The following GLI3 variants were observed in gnomAD, a reference collection of about 807,000 sequenced individuals.
GLI3 encodes the protein GLI family zinc finger 3.
Under a neutral mutation model 100.8 loss-of-function variants are expected in GLI3, and 20 were observed. The ratio of observed to expected loss-of-function variants is 0.20; its 90% CI spans 0.14 to 0.29. The LOEUF is 0.29. GLI3 is among the 10% of genes least tolerant of loss of function. The pLI, the probability that GLI3 is intolerant of heterozygous loss-of-function variation, is 1.00. For missense variants in GLI3, 2,040 were observed against 2,128.5 expected (o/e 0.96, Z 0.82); for synonymous variants, 938 against 860.5 (o/e 1.09, Z -1.58).
At chr7:42,241,459 AGG>A (rs1788924042), upstream of GLI3, among the ~76,000 whole-genome samples, 2 of 152,182 alleles carry the variant, frequency 1.3e-5, no homozygotes, top group African/African-American at 2.4e-5. Context: ...TAGGGAACAA[AGG>A]TAGATCCCTG....
At chr7:42,240,837 A>G (rs113761281), upstream of GLI3, among the ~76,000 whole-genome samples, 2 of 152,342 alleles carry the variant, frequency 1.3e-5, no homozygotes, top group African/African-American at 4.8e-5. Flanking sequence ...GATACGCAAG[A>G]GAGAGAACAA....
intron 3 of GLI3, among the ~76,000 whole-genome samples, chr7:42,124,405 G>A (rs940502547): frequency 2.6e-5 from 4 of 152,220 alleles, no homozygotes; most frequent in Non-Finnish European, 5.9e-5. Context: ...TATGGTACTC[G>A]TTTTAATTCT....
At chr7:42,026,678 A>T (rs1789124178) in intron 7 of GLI3, among the ~76,000 whole-genome samples, 1 of 152,206 alleles carries the variant, frequency 6.6e-6, no homozygotes, top group African/African-American at 2.4e-5. Flanking sequence ...TTCAATAATA[A>T]CTATTTATTG....
chr7:42,148,255 G>C lies in GLI3; in HGVS notation c.338C>G (p.Pro113Arg), dbSNP rs1270242673. 1 of 1,612,290 alleles carries C rather than the reference G, an allele frequency of 6.2e-7. No homozygotes were observed. Among genetic ancestry groups the C allele is most frequent in the Non-Finnish European group, 8.5e-7 (1 of 1,179,230 alleles). The change falls in exon 3 of 15, where the codon CCC becomes CGC. Residue 113 changes from proline (P) to arginine (R), a missense_variant. Pro to Arg is a moderately radical substitution (Grantham distance 103). Around this residue, in one of 5 missense-constraint regions of GLI3, gnomAD observed 603 missense variants for 690.9 expected, o/e 0.87. Coordinates refer to ENST00000395925, the MANE Select transcript of GLI3 (RefSeq NM_000168.6). ...PYRGTVFAMD[P>R]RNGYMEPHYH... ...GTGGGGCTCCATGTAACCATTCCTG[G>C]GGTCCATGGCAAACACCGTCCCGCG... is the stretch of plus-strand genomic sequence containing the variant.
chr7:42,227,166 C>T (rs544864842), intron 1 of GLI3, among the ~76,000 whole-genome samples: 1 of 152,170 alleles, frequency 6.6e-6, no homozygotes, highest in African/African-American at 2.4e-5. Flanking sequence ...CTTTTTCCCC[C>T]GACATAGTTT....
chr7:42,216,389 A>C (rs113546265), intron 2 of GLI3, among the ~76,000 whole-genome samples: 1 of 152,240 alleles, frequency 6.6e-6, no homozygotes, highest in Non-Finnish European at 1.5e-5. Context: ...TAGAGCATTC[A>C]AAGTATTCTG....
chr7:42,200,499 A>T (rs1432117983), intron 2 of GLI3, among the ~76,000 whole-genome samples: 3 of 152,242 alleles, frequency 2.0e-5, no homozygotes, highest in African/African-American at 7.2e-5. Context: ...TCCCGTATCC[A>T]CTATTTTAAA....
intron 2 of GLI3, among the ~76,000 whole-genome samples, chr7:42,185,027 C>A (rs999873687): frequency 6.6e-6 from 1 of 152,092 alleles, no homozygotes; most frequent in African/African-American, 2.4e-5. Flanking sequence ...ATGCAACCTG[C>A]AACACACATG....
In GLI3 at chr7:42,084,901, C is replaced by CTTTTT. The variant is rs747166719; in HGVS notation, c.368-8049_368-8045dup. ...AGCTCTAAAAATATGCATTTGGATT[C>CTTTTT]TTTTTTTTTTTTTTTTTTTTTTTTT... On this transcript the variant is annotated intron_variant, in intron 3 of 14. Coordinates refer to ENST00000395925, the MANE Select transcript of GLI3 (RefSeq NM_000168.6). 1.2e-3 allele frequency among the ~76,000 whole-genome samples: 59 copies of CTTTTT among 47,516 alleles called. 4 individuals are homozygous for CTTTTT. Among genetic ancestry groups the CTTTTT allele is most frequent in the Non-Finnish European group, 1.4e-3 (40 of 28,718 alleles). 31.2% of individuals were successfully genotyped at this position (47,516 alleles called of 152,430 possible).
intron 2 of GLI3, among the ~76,000 whole-genome samples, chr7:42,198,377 G>A (rs1173015561): frequency 6.6e-6 from 1 of 152,218 alleles, no homozygotes; most frequent in Non-Finnish European, 1.5e-5. Flanking sequence ...GCTGGAGAGT[G>A]AGAAGGATCC....
At chr7:42,008,319 A>G (rs1024998367) in intron 10 of GLI3, among the ~76,000 whole-genome samples, 2 of 152,210 alleles carry the variant, frequency 1.3e-5, no homozygotes, top group African/African-American at 4.8e-5. Flanking sequence ...TGATCCATAC[A>G]TTGAGGACAA....
chr7:42,144,654 T>C (rs1364135846), intron 3 of GLI3, among the ~76,000 whole-genome samples: 1 of 152,200 alleles, frequency 6.6e-6, no homozygotes, highest in Non-Finnish European at 1.5e-5. Flanking sequence ...ATAAAAATTT[T>C]ACAGATGTCC....
At chr7:42,154,263 G>C (rs555913222) in intron 2 of GLI3, among the ~76,000 whole-genome samples, 1 of 152,032 alleles carries the variant, frequency 6.6e-6, no homozygotes, top group African/African-American at 2.4e-5. Flanking sequence ...ACCCGCACAG[G>C]TGCAATCCTC....
chr7:42,083,383 A>G (rs966405618), intron 3 of GLI3, among the ~76,000 whole-genome samples: 2 of 152,228 alleles, frequency 1.3e-5, no homozygotes, highest in Non-Finnish European at 2.9e-5. Flanking sequence ...TCTTCTTTAC[A>G]TCTGAATAGT....
chr7:42,120,091 C>T (rs1023628122), intron 3 of GLI3, among the ~76,000 whole-genome samples: 4 of 152,046 alleles, frequency 2.6e-5, no homozygotes, highest in African/African-American at 4.8e-5. Flanking sequence ...ATTTAATTTG[C>T]GGGGGATGAT....
intron 2 of GLI3, among the ~76,000 whole-genome samples, chr7:42,221,542 ACT>A (rs1222527093): frequency 6.6e-6 from 1 of 151,816 alleles, no homozygotes; most frequent in Non-Finnish European, 1.5e-5. Flanking sequence ...ATCCTCACAC[ACT>A]CACACTCACT....
intron 1 of GLI3, among the ~76,000 whole-genome samples, chr7:42,254,932 A>T (rs1232517382): frequency 6.6e-6 from 1 of 151,146 alleles, no homozygotes; most frequent in African/African-American, 2.4e-5. Flanking sequence ...ATAAAATTCA[A>T]AATTTTTCCT....
chr7:42,132,390 G>A (rs374673095), intron 3 of GLI3, among the ~76,000 whole-genome samples: 45 of 152,136 alleles, frequency 3.0e-4, no homozygotes, highest in Non-Finnish European at 5.3e-4. Flanking sequence ...GTGAGCCACC[G>A]CGCCCGGCCG....
chr7:42,030,024 T>C (rs1458820556), intron 7 of GLI3, among the ~76,000 whole-genome samples: 1 of 152,058 alleles, frequency 6.6e-6, no homozygotes, highest in Non-Finnish European at 1.5e-5. Flanking sequence ...CCAAACTGAG[T>C]GGCTTAAAAA....
Sources: gnomAD v4.1 joint callset for allele counts (sites outside exome capture counted in the v4.1 genomes callset) on GRCh38, gnomAD v4.1.1 for gene constraint, gnomAD v4.1.1 regional missense constraint, MANE v1.5 for transcripts, NCBI Gene and HGNC (gene_info 2026-07-23, HGNC 2026-07-21) for gene names.